The following CDC42SE2 variants were observed in gnomAD, a reference collection of about 807,000 sequenced individuals.
CDC42SE2 encodes CDC42 small effector protein 2.
A neutral mutation model predicts 11.5 loss-of-function variants in CDC42SE2; 3 were observed. The observed-to-expected ratio is 0.26, with a 90% CI of 0.12 to 0.67. CDC42SE2 has a LOEUF of 0.67. CDC42SE2 is among the 30% of genes least tolerant of loss of function. CDC42SE2 has a pLI of 0.80. For synonymous variants in CDC42SE2, 33 were observed against 34.8 expected, an observed-to-expected ratio of 0.95 and a Z score of 0.18; for missense variants, 82 against 106.8, an observed-to-expected ratio of 0.77 and a Z score of 1.02.
At chr5:131,264,420 C>T (rs896442208) in intron 1 of CDC42SE2, among the ~76,000 whole-genome samples, 2 of 152,168 alleles carry the variant, frequency 1.3e-5, no homozygotes, top group Non-Finnish European at 2.9e-5. Flanking sequence ...GTTACACGCT[C>T]AGTTCAGAAT....
At chr5:131,268,251 CAG>C (rs1002625748) in intron 1 of CDC42SE2, among the ~76,000 whole-genome samples, 11 of 151,206 alleles carry the variant, frequency 7.3e-5, no homozygotes, top group Middle Eastern at 3.5e-3. Context: ...TTAGTAAAGA[CAG>C]GGTTTCTCCA....
chr5:131,309,600 A>G (rs947726920), intron 1 of CDC42SE2, among the ~76,000 whole-genome samples: 55 of 151,626 alleles, frequency 3.6e-4, no homozygotes, highest in African/African-American at 1.2e-3. Flanking sequence ...TTGGTAAGCT[A>G]TTGATTATTG....
At chr5:131,295,244 T>C (rs1757545279) in intron 1 of CDC42SE2, among the ~76,000 whole-genome samples, 2 of 150,866 alleles carry the variant, frequency 1.3e-5, no homozygotes, top group South Asian at 2.1e-4. Context: ...GTTGATGCCA[T>C]TGCACTCCAG....
intron 3 of CDC42SE2, among the ~76,000 whole-genome samples, chr5:131,375,121 A>T (rs1750115963): frequency 6.6e-6 from 1 of 151,680 alleles, no homozygotes; most frequent in Non-Finnish European, 1.5e-5. Context: ...AAATAGAAGG[A>T]GAAAAAAACT....
chr5:131,253,705 T>C (rs1580715562), intron 1 of CDC42SE2, among the ~76,000 whole-genome samples: 1 of 152,002 alleles, frequency 6.6e-6, no homozygotes, highest in Non-Finnish European at 1.5e-5. Context: ...GCGGAGGTTG[T>C]AGTGAGCTGA....
intron 2 of CDC42SE2, among the ~76,000 whole-genome samples, chr5:131,343,876 G>C (rs1046515508): frequency 2.4e-4 from 36 of 151,602 alleles, no homozygotes; most frequent in Admixed American, 2.0e-4. Context: ...GAATGGAAGA[G>C]TAGTTTTCAA....
chr5:131,349,703 A>C (rs1021776669), intron 2 of CDC42SE2, among the ~76,000 whole-genome samples: 2 of 152,222 alleles, frequency 1.3e-5, no homozygotes, highest in Non-Finnish European at 1.5e-5. Context: ...CACATGATGG[A>C]AATTTTATGC....
chr5:131,276,026 T>C (rs1757092926), intron 1 of CDC42SE2, among the ~76,000 whole-genome samples: 1 of 152,222 alleles, frequency 6.6e-6, no homozygotes, highest in East Asian at 1.9e-4. Flanking sequence ...GCAATTTTAC[T>C]GATAGTTGGG....
intron 1 of CDC42SE2, among the ~76,000 whole-genome samples, chr5:131,305,362 A>C (rs1757759213): frequency 6.6e-6 from 1 of 152,238 alleles, no homozygotes; most frequent in Non-Finnish European, 1.5e-5. Flanking sequence ...ACTCAGAACC[A>C]GAAAAGGTTC....
chr5:131,278,720 C>T (rs2149699643), intron 1 of CDC42SE2, among the ~76,000 whole-genome samples: 3 of 28,088 alleles, frequency 1.1e-4, no homozygotes, highest in African/African-American at 1.8e-4. Flanking sequence ...CTCTCCCCTC[C>T]CCTCCCCCCT....
At chr5:131,360,613 G>C (rs755847375) in intron 3 of CDC42SE2, among the ~76,000 whole-genome samples, 1 of 152,108 alleles carries the variant, frequency 6.6e-6, no homozygotes, top group Non-Finnish European at 1.5e-5. Context: ...TTATTTATGG[G>C]TCTTCACCAT....
At chr5:131,366,789 T>C (rs979140659) in intron 3 of CDC42SE2, among the ~76,000 whole-genome samples, 3 of 152,136 alleles carry the variant, frequency 2.0e-5, no homozygotes, top group African/African-American at 4.8e-5. Context: ...TTTGGGAGGC[T>C]GAGGCGGGAG....
intron 1 of CDC42SE2, among the ~76,000 whole-genome samples, chr5:131,271,742 C>A (rs1405914520): frequency 2.0e-5 from 3 of 152,168 alleles, no homozygotes; most frequent in African/African-American, 7.2e-5. Flanking sequence ...GGAGTATTTA[C>A]CCTGCCTTAA....
rs1750745012 is a variant in CDC42SE2, at chr5:131,393,702, C to G, written c.*2611C>G. The G allele has an allele frequency of 6.6e-6, 1 of 151,972 alleles. No individual in the cohort carries two copies. Among genetic ancestry groups the G allele is most frequent in the Admixed American group, 6.6e-5 (1 of 15,252 alleles). The allele number at this position is 151,972 out of a possible 1,614,324, so 9.4% of individuals were successfully genotyped here. On this transcript the variant is annotated 3_prime_UTR_variant, in exon 5 of 5. Transcript: ENST00000505065. ...GCTATTTAGTCTACTTCTATTTTGA[C>G]TGACTCTTTAAATTAGTACAATTTT...
intron 1 of CDC42SE2, among the ~76,000 whole-genome samples, chr5:131,250,718 A>T (rs1423764978): frequency 2.0e-5 from 3 of 152,222 alleles, no homozygotes; most frequent in African/African-American, 7.2e-5. Flanking sequence ...GTGAACCCTC[A>T]TGTAAAAACT....
chr5:131,287,657 A>G (rs1375425157), intron 1 of CDC42SE2, among the ~76,000 whole-genome samples: 2 of 150,898 alleles, frequency 1.3e-5, no homozygotes, highest in Admixed American at 6.6e-5. Flanking sequence ...ATTTTTTTGT[A>G]GAGATGGGGC....
intron 3 of CDC42SE2, among the ~76,000 whole-genome samples, chr5:131,384,571 A>G (rs1750419708): frequency 6.6e-6 from 1 of 152,138 alleles, no homozygotes; most frequent in Non-Finnish European, 1.5e-5. Flanking sequence ...GTCTCTCCCA[A>G]TAACATTATC....
chr5:131,357,569 C>T (rs1749587814), intron 2 of CDC42SE2, among the ~76,000 whole-genome samples: 1 of 152,156 alleles, frequency 6.6e-6, no homozygotes, highest in Non-Finnish European at 1.5e-5. Flanking sequence ...GTTGGCAAAG[C>T]TTATAAATGT....
rs181944221 is a variant in CDC42SE2 at position 131,349,228 on chromosome 5, A to C, written c.-285-9981A>C. On this transcript the variant is annotated intron_variant, in intron 2 of 4. Transcript: ENST00000505065. ...ATGAAGCTGGAAACCATCATTCTGA[A>C]CAAACTATCGCAAGGACAGAAAACC... Among the ~76,000 whole-genome samples, 4 of 151,962 alleles carry C rather than the reference A, an allele frequency of 2.6e-5. No individual in the cohort carries two copies. The East Asian group carries it at 7.8e-4, about 29-fold the overall frequency.
Sources: gnomAD v4.1 joint callset for allele counts (sites outside exome capture counted in the v4.1 genomes callset) on GRCh38, gnomAD v4.1.1 for gene constraint, MANE v1.5 for transcripts, NCBI Gene and HGNC (gene_info 2026-07-23, HGNC 2026-07-21) for gene names.